The following AGK variants were observed in gnomAD, a reference collection of about 807,000 sequenced individuals.
AGK encodes the protein acylglycerol kinase.
A neutral mutation model predicts 66.4 loss-of-function variants in AGK; 52 were observed. The ratio of observed to expected loss-of-function variants is 0.78; its 90% CI spans 0.63 to 0.99. The LOEUF (loss-of-function observed/expected upper bound fraction) is 0.99, where lower values mean the gene tolerates loss of function less well. Ranked by LOEUF, AGK falls within the 50% of genes least tolerant of loss-of-function variation. The pLI, the probability that AGK is intolerant of heterozygous loss-of-function variation, is 0.00. For synonymous variants in AGK, 182 were observed against 181.1 expected (o/e 1.00, Z -0.04); for missense variants, 451 against 506.6 (o/e 0.89, Z 1.05).
At chr7:141,614,240 C>T in intron 7 of AGK, 62 bp downstream of exon 7, 1 of 1,224,826 alleles carries the variant, frequency 8.2e-7, no homozygotes, top group Non-Finnish European at 1.1e-6. Context: ...TATTGCTTTT[C>T]TTTCTTTTAC....
intron 3 of AGK, chr7:141,594,231 G>GA (rs760079460): frequency 1.3e-5 from 2 of 152,208 alleles, no homozygotes; most frequent in Non-Finnish European, 2.9e-5. Context: ...TTAGCGACTG[G>GA]AAAATCTTCC....
intron 2 of AGK, among the ~76,000 whole-genome samples, chr7:141,576,685 C>T (rs1223493487): frequency 6.6e-6 from 1 of 150,982 alleles, no homozygotes; most frequent in Non-Finnish European, 1.5e-5. Context: ...AATAAGAGAG[C>T]TGAACATACT....
At chr7:141,565,416 C>G (rs1014608177) in intron 2 of AGK, among the ~76,000 whole-genome samples, 1 of 152,058 alleles carries the variant, frequency 6.6e-6, no homozygotes, top group Admixed American at 6.6e-5. Flanking sequence ...TTTGGGAGGC[C>G]GAGGCGGGCA....
chr7:141,628,710 CT>C lies in AGK; in HGVS notation c.589-5188del, dbSNP rs1322179306. Among the ~76,000 whole-genome samples, 4 of 152,140 alleles carry C rather than the reference CT, an allele frequency of 2.6e-5. No homozygotes were observed. The East Asian group carries it at 5.8e-4, about 22-fold the overall frequency. ...TGACAGGTTAGGGAAAAAAAGAATC[CT>C]TTGATTATGACGAGTTGTGCTGGAG... On this transcript the variant is annotated intron_variant, in intron 9 of 15. Coordinates refer to ENST00000649286, the MANE Select transcript of AGK (RefSeq NM_018238.4).
Position 141,572,731 on chromosome 7 carries a change from G to A in AGK, c.101+17164G>A, listed in dbSNP as rs73523623. On this transcript the variant is annotated intron_variant, in intron 2 of 15. Coordinates refer to ENST00000649286, the MANE Select transcript of AGK (RefSeq NM_018238.4). Reference sequence around the variant, plus strand: ...TGATATAGAAATAAGAAAGTTGCCAGGGAGAATTGGTTTAAGGAGGAGATT... The same window carrying A: ...TGATATAGAAATAAGAAAGTTGCCAAGGAGAATTGGTTTAAGGAGGAGATT... Among the ~76,000 whole-genome samples the A allele has an allele frequency of 4.2e-3, 642 of 152,276 alleles. 6 individuals are homozygous for A. Among genetic ancestry groups the A allele is most frequent in the African/African-American group, 0.015 (607 of 41,566 alleles).
chr7:141,643,871 G>A (rs1166517861), intron 13 of AGK, among the ~76,000 whole-genome samples: 1 of 152,090 alleles, frequency 6.6e-6, no homozygotes, highest in African/African-American at 2.4e-5. Context: ...AAAGCTTAGT[G>A]GTGGTGTGTG....
At chr7:141,641,198 G>T in intron 11 of AGK, 50 bp from the exon 12 acceptor site, 1 of 1,554,324 alleles carries the variant, frequency 6.4e-7, no homozygotes, top group South Asian at 1.2e-5. Flanking sequence ...GAAACTCCCA[G>T]AGTGGAATTG....
chr7:141,605,929 C>A (rs1489940989), intron 5 of AGK, among the ~76,000 whole-genome samples: 1 of 152,154 alleles, frequency 6.6e-6, no homozygotes, highest in East Asian at 1.9e-4. Context: ...GAGAAGAAAT[C>A]TGTTTCCCAA....
intron 2 of AGK, among the ~76,000 whole-genome samples, chr7:141,587,440 C>A (rs1796016324): frequency 6.6e-6 from 1 of 152,186 alleles, no homozygotes; most frequent in African/African-American, 2.4e-5. Context: ...CTCCTTATGG[C>A]CCTTAGGGTA....
At chr7:141,580,820 G>C (rs1426271793) in intron 2 of AGK, among the ~76,000 whole-genome samples, 4 of 152,010 alleles carry the variant, frequency 2.6e-5, no homozygotes, top group South Asian at 2.1e-4. Flanking sequence ...CTGCACTTCA[G>C]CTGTATGTAA....
intron 6 of AGK, among the ~76,000 whole-genome samples, chr7:141,612,898 A>G (rs567155052): frequency 3.3e-5 from 5 of 152,238 alleles, no homozygotes; most frequent in African/African-American, 1.2e-4. Context: ...ACTATATTTC[A>G]TATTCATACC....
At chr7:141,556,023 TAGG>T (rs1795203566) in intron 2 of AGK, among the ~76,000 whole-genome samples, 2 of 152,196 alleles carry the variant, frequency 1.3e-5, no homozygotes, top group Non-Finnish European at 2.9e-5. Context: ...TTATACATTT[TAGG>T]GAGATATGAC....
chr7:141,582,457 T>C (rs1795901128), intron 2 of AGK, among the ~76,000 whole-genome samples: 1 of 151,980 alleles, frequency 6.6e-6, no homozygotes, highest in South Asian at 2.1e-4. Flanking sequence ...TTGTGGGGTT[T>C]GAGGGCCAGA....
chr7:141,587,901 A>G (rs1796026904), intron 2 of AGK, among the ~76,000 whole-genome samples: 1 of 152,222 alleles, frequency 6.6e-6, no homozygotes, highest in Non-Finnish European at 1.5e-5. Context: ...ATCAAGAAAC[A>G]TGTTTTACTA....
rs1373004098 is a variant in AGK, at chr7:141,620,610, A to G, written c.519-1122A>G. ...CCACTTTGGAAACCAGTGCCAGGGT[A>G]GGAAAACCTGACCTGTAATTGATAA... On this transcript the variant is annotated intron_variant, in intron 8 of 15. Transcript: ENST00000649286. Among the ~76,000 whole-genome samples the G allele has an allele frequency of 2.6e-5, 4 of 152,140 alleles. No individual in the cohort carries two copies. The East Asian group carries it at 7.7e-4, about 29-fold the overall frequency.
chr7:141,613,673 AT>A (rs112844510), intron 6 of AGK, among the ~76,000 whole-genome samples: 7 of 151,444 alleles, frequency 4.6e-5, no homozygotes, highest in African/African-American at 4.8e-5. Flanking sequence ...AATTATGAGA[AT>A]TTTTTTTTGT....
chr7:141,638,979 C>G (rs962935791), intron 11 of AGK, among the ~76,000 whole-genome samples: 2 of 151,934 alleles, frequency 1.3e-5, no homozygotes, highest in Non-Finnish European at 2.9e-5. Flanking sequence ...TACAGATGGC[C>G]AGGAATATCC....
At chr7:141,577,322 C>T (rs527603041) in intron 2 of AGK, among the ~76,000 whole-genome samples, 5 of 152,312 alleles carry the variant, frequency 3.3e-5, no homozygotes, top group East Asian at 1.9e-4. Flanking sequence ...TCTTCACAAT[C>T]CCTTATCTTA....
At chr7:141,596,453 G>A (rs1181523377) in intron 3 of AGK, 109 bp from the exon 4 acceptor site, 1 of 899,232 alleles carries the variant, frequency 1.1e-6, no homozygotes, top group Non-Finnish European at 1.8e-6. Flanking sequence ...TTCCCCAAGG[G>A]TAGATACCTT....
Sources: allele counts gnomAD v4.1 joint callset (sites outside exome capture counted in the v4.1 genomes callset), GRCh38; gene constraint gnomAD v4.1.1; transcripts MANE v1.5; gene names NCBI Gene and HGNC (gene_info 2026-07-23, HGNC 2026-07-21).